Variants in ANKRD36C observed in about 807,000 individuals in gnomAD.
ANKRD36C encodes the protein ankyrin repeat domain-containing protein 36C.
In ANKRD36C, 61 loss-of-function variants were observed where a neutral mutation model predicts 276.4. The observed-to-expected ratio is 0.22, with a 90% CI of 0.18 to 0.27. The LOEUF is 0.27. Among genes scored for constraint, ANKRD36C ranks in the 10% least tolerant of loss-of-function variants. The pLI, the probability that ANKRD36C is intolerant of heterozygous loss-of-function variation, is 1.00. For missense variants in ANKRD36C, 1,447 were observed against 2,032.3 expected (o/e 0.71, Z 5.54); for synonymous variants, 483 against 680.1 (o/e 0.71, Z 4.51).
At chr2:95,896,506 G>T (rs1676555868) in intron 44 of ANKRD36C, among the ~76,000 whole-genome samples, 1 of 149,692 alleles carries the variant, frequency 6.7e-6, no homozygotes. Flanking sequence ...TTATCCAAGA[G>T]GTAGCTCCTT....
chr2:95,961,276 C>A (rs1678453806), intron 8 of ANKRD36C, among the ~76,000 whole-genome samples: 1 of 152,028 alleles, frequency 6.6e-6, no homozygotes, highest in African/African-American at 2.4e-5. Flanking sequence ...AATGTGCCTA[C>A]ATTTCTTTTA....
At chr2:95,883,622 T>C (rs1295930383) in intron 54 of ANKRD36C, among the ~76,000 whole-genome samples, 2 of 152,056 alleles carry the variant, frequency 1.3e-5, no homozygotes, top group African/African-American at 4.8e-5. Flanking sequence ...TAGGAAAATA[T>C]TTGAATATGC....
At chr2:95,942,110 T>C (rs1457053989) in intron 19 of ANKRD36C, among the ~76,000 whole-genome samples, 2 of 152,228 alleles carry the variant, frequency 1.3e-5, no homozygotes, top group Non-Finnish European at 1.5e-5. Context: ...AAAGGGGACT[T>C]AGAAGACTGA....
At chr2:95,903,181 T>C (rs2104381525) in intron 42 of ANKRD36C, 100 bp from the exon 53 acceptor site, 1 of 1,509,348 alleles carries the variant, frequency 6.6e-7, no homozygotes, top group East Asian at 2.5e-5. Context: ...CTCCTGCCTG[T>C]ATTAGCGTAG....
chr2:95,915,866 T>C, intron 38 of ANKRD36C, 114 bp downstream of exon 40: 1 of 1,374,366 alleles, frequency 7.3e-7, no homozygotes. Flanking sequence ...ATGAAGAATC[T>C]CAGGCCTGTT....
At chr2:95,890,094 TA>T (rs1378907788) in intron 46 of ANKRD36C, 100 bp from the exon 67 acceptor site, 3 of 1,453,412 alleles carry the variant, frequency 2.1e-6, no homozygotes, top group Non-Finnish European at 2.9e-6. Flanking sequence ...CTCCTGCCTG[TA>T]TTAGTGTAGG....
intron 42 of ANKRD36C, among the ~76,000 whole-genome samples, chr2:95,911,985 C>T (rs1459350852): frequency 6.6e-6 from 1 of 151,430 alleles, no homozygotes; most frequent in Non-Finnish European, 1.5e-5. Flanking sequence ...CTATGCTGTA[C>T]CCCAGAGCCC....
At position 95,929,380 on chromosome 2, in the gene ANKRD36C, C is replaced by G. The variant is rs537548817; in HGVS notation, c.1736-113G>C. 1.0e-5 allele frequency: 9 copies of G among 901,096 alleles called. No homozygotes were observed. In the South Asian group the frequency reaches 1.6e-4, roughly 16 times the overall value. The allele number at this position is 901,096 out of a possible 1,614,324, so 55.8% of individuals were successfully genotyped here. ...AAGTTTTGTACTCCTGCCTGTATTACTGTAGGCTTTGATATTTTATACTTT... is the reference window on the plus strand; with the variant it reads ...AAGTTTTGTACTCCTGCCTGTATTAGTGTAGGCTTTGATATTTTATACTTT... On this transcript the variant is annotated intron_variant, in intron 24 of 66. Coordinates refer to ENST00000456556, the Ensembl canonical transcript of ANKRD36C.
intron 28 of ANKRD36C, among the ~76,000 whole-genome samples, chr2:95,926,116 T>C (rs1360718911): frequency 1.3e-5 from 2 of 151,624 alleles, no homozygotes; most frequent in Non-Finnish European, 3.0e-5. Context: ...TATAATATTC[T>C]TTATTTCTCA....
At chr2:95,927,252 A>T (rs111976783) in exon 28 of ANKRD36C, 1 of 1,610,292 alleles carries the variant, frequency 6.2e-7, no homozygotes, top group South Asian at 1.1e-5. Flanking sequence ...TTCTGTGGCT[A>T]TATTTGAAAC....
At chr2:95,985,715 C>T (rs896234919) in intron 3 of ANKRD36C, among the ~76,000 whole-genome samples, 1 of 152,198 alleles carries the variant, frequency 6.6e-6, no homozygotes, top group Non-Finnish European at 1.5e-5. Flanking sequence ...ACTCACATGG[C>T]AAATTCCCTT....
Position 95,921,825 on chromosome 2 carries a change from G to A in ANKRD36C, c.2144-15C>T. Reference sequence around the variant, plus strand: ...CTGAGAAGACACTGAAAAACAAAAGGGATAATCACTCATATGTAAATATGA... The same window carrying A: ...CTGAGAAGACACTGAAAAACAAAAGAGATAATCACTCATATGTAAATATGA... On this transcript the variant is annotated splice_polypyrimidine_tract_variant and intron_variant, in intron 32 of 66. Coordinates refer to ENST00000456556, the Ensembl canonical transcript of ANKRD36C. 1 of 1,593,264 alleles carries A rather than the reference G, an allele frequency of 6.3e-7. No homozygotes were observed. The highest frequency in any genetic ancestry group is 8.5e-7 in the Non-Finnish European group (1 of 1,173,068).
At chr2:95,869,674 G>A (rs1025037349) in intron 59 of ANKRD36C, among the ~76,000 whole-genome samples, 2 of 152,238 alleles carry the variant, frequency 1.3e-5, no homozygotes, top group South Asian at 2.1e-4. Flanking sequence ...GACAGTGGGT[G>A]CAGTGCACCG....
intron 20 of ANKRD36C, among the ~76,000 whole-genome samples, chr2:95,939,896 C>G (rs1677826408): frequency 6.6e-6 from 1 of 151,294 alleles, no homozygotes; most frequent in Admixed American, 6.6e-5. Context: ...TCTTTTCATT[C>G]ACTTATGCAA....
chr2:95,927,237 T>C (rs908767638), exon 28 of ANKRD36C: 1 of 1,610,158 alleles, frequency 6.2e-7, no homozygotes, highest in Non-Finnish European at 8.5e-7. Flanking sequence ...TTGTCCCTCC[T>C]TTATTTCTGT....
intron 5 of ANKRD36C, among the ~76,000 whole-genome samples, chr2:95,979,655 A>G (rs1678877815): frequency 6.6e-6 from 1 of 152,064 alleles, no homozygotes; most frequent in Non-Finnish European, 1.5e-5. Context: ...TGTTTATATA[A>G]AAAGTCTCAG....
At chr2:95,910,302 G>A (rs1370361236) in intron 42 of ANKRD36C, 71 bp downstream of exon 46, 6 of 1,457,376 alleles carry the variant, frequency 4.1e-6, no homozygotes, top group Non-Finnish European at 5.5e-6. Flanking sequence ...GCCACCCGCT[G>A]CTTTATTTGG....
intron 50 of ANKRD36C, among the ~76,000 whole-genome samples, chr2:95,886,498 G>A (rs1454585294): frequency 6.6e-6 from 1 of 151,566 alleles, no homozygotes; most frequent in Admixed American, 6.6e-5. Flanking sequence ...TAAAATAAAA[G>A]TGTCAATTTC....
chr2:95,956,671 T>C (rs1678334218), intron 13 of ANKRD36C, 115 bp downstream of exon 13: 16 of 949,264 alleles, frequency 1.7e-5, no homozygotes, highest in Non-Finnish European at 2.3e-5. Flanking sequence ...ACATGATAAA[T>C]ATTAAGCATG....
Sources: allele counts gnomAD v4.1 joint callset (sites outside exome capture counted in the v4.1 genomes callset), GRCh38; gene constraint gnomAD v4.1.1; transcripts MANE v1.5; gene names NCBI Gene and HGNC (gene_info 2026-07-23, HGNC 2026-07-21).